Variants in NEB observed in about 807,000 individuals in gnomAD.
The protein encoded by NEB is nemaline myopathy type 2.
In NEB, 512 loss-of-function variants were observed where a neutral mutation model predicts 952.2. The observed-to-expected ratio is 0.54, with a 90% CI of 0.50 to 0.58. The LOEUF (loss-of-function observed/expected upper bound fraction) is 0.58, where lower values mean the gene tolerates loss of function less well. Ranked by LOEUF, NEB falls within the 20% of genes least tolerant of loss-of-function variation. The pLI, the probability that NEB is intolerant of heterozygous loss-of-function variation, is 0.00. For synonymous variants in NEB, 2,900 were observed against 3,149.8 expected (o/e 0.92, Z 2.66); for missense variants, 8,428 against 9,231.1 (o/e 0.91, Z 3.56).
intron 73 of NEB, among the ~76,000 whole-genome samples, chr2:151,619,073 C>A (rs1321163572): frequency 3.3e-5 from 5 of 152,160 alleles, no homozygotes; most frequent in Non-Finnish European, 7.3e-5. Flanking sequence ...AGTAATTTAG[C>A]ATAATATGCT....
chr2:151,486,808 AAT>A (rs1473003159), intron 181 of NEB: 3 of 152,238 alleles, frequency 2.0e-5, no homozygotes, highest in African/African-American at 7.2e-5. Flanking sequence ...GTAGCCAAAT[AAT>A]ATAGTGACAG....
In NEB at chr2:151,497,765, C is replaced by CATT. The variant is rs749393240; in HGVS notation, c.24208-50_24208-48dup. On this transcript the variant is annotated intron_variant, in intron 170 of 181. Coordinates refer to ENST00000397345, the MANE Select transcript of NEB (RefSeq NM_001164508.2). ...AGAAAAACAACCATGAGTAACATTT[C>CATT]ATTTCTTGGGACTTTTTAAGGATGA... 3.9e-6 allele frequency: 6 copies of CATT among 1,550,162 alleles called. No homozygotes were observed. The South Asian group carries it at 4.8e-5, about 12-fold the overall frequency.
Position 151,567,479 on chromosome 2 carries a change from G to C in NEB, c.17845C>G (p.Leu5949Val). 6.2e-7 allele frequency: 1 copy of C among 1,603,350 alleles called. No homozygotes were observed. The highest frequency in any genetic ancestry group is 8.5e-7 in the Non-Finnish European group (1 of 1,174,086). Residue 5949 changes from leucine (L) to valine (V), a missense_variant and splice_region_variant, in exon 114 of 182, where the codon CTG (leucine) becomes GTG (valine). By Grantham distance (32) the Leu-to-Val change is conservative (BLOSUM62 1). Transcript: ENST00000397345. ...AHHCNDVQSE[L>V]KYKAEHVKQK... The stretch of plus-strand genomic sequence containing the variant: ...TTCACATGTTCAGCTTTGTATTTCA[G>C]CTGGCGAGAAGAGGAATATAAATTC...
chr2:151,662,435 T>C (rs2099159225), intron 45 of NEB, 94 bp from the exon 46 acceptor site: 2 of 1,141,788 alleles, frequency 1.8e-6, no homozygotes, highest in African/African-American at 1.5e-5. Context: ...CCATTTCATT[T>C]GTAAATTTTC....
chr2:151,694,287 C>T (rs368600988), intron 20 of NEB, 36 bp downstream of exon 20: 21 of 1,553,446 alleles, frequency 1.4e-5, no homozygotes, highest in East Asian at 2.2e-5. Context: ...TTTGTGGCCA[C>T]GTCTGAAAAT....
In NEB at chr2:151,694,680, C is replaced by G. The variant is rs116047847; in HGVS notation, c.1675-51G>C. 15 of 1,444,804 alleles carry G rather than the reference C, an allele frequency of 1.0e-5. No homozygotes were observed. In the South Asian group the frequency reaches 1.8e-4, roughly 18 times the overall value. 89.5% of individuals were successfully genotyped at this position (1,444,804 alleles called of 1,614,324 possible). A position where few individuals can be genotyped will look rare whatever the true frequency, so the allele number is the denominator to read the frequency against. On this transcript the variant is annotated intron_variant, in intron 18 of 181. Transcript: ENST00000397345. ...ATTGGCAAAAGTGATATGCATGTCA[C>G]GACCTTTAAAGACTAGTGGGTAACT...
intron 35 of NEB, among the ~76,000 whole-genome samples, chr2:151,674,872 A>G (rs2099347053): frequency 6.6e-6 from 1 of 152,258 alleles, no homozygotes; most frequent in African/African-American, 2.4e-5. Flanking sequence ...GTGAGGACCA[A>G]CTAGAGACAA....
At chr2:151,615,839 T>G in intron 76 of NEB, 163 bp downstream of exon 76, 1 of 611,356 alleles carries the variant, frequency 1.6e-6, no homozygotes, top group Non-Finnish European at 2.9e-6. Flanking sequence ...GTCTAGAATT[T>G]TGTGCTTTTC....
At position 151,575,759 on chromosome 2, in the gene NEB, A is replaced by G. The variant is rs202009284; in HGVS notation, c.16949T>C (p.Ile5650Thr). The G allele has an allele frequency of 1.2e-6, 2 of 1,610,974 alleles. No individual in the cohort carries two copies. The highest frequency in any genetic ancestry group is 8.5e-7 in the Non-Finnish European group (1 of 1,177,092). The change falls in exon 107 of 182, where the codon ATA becomes ACA. Residue 5650 changes from isoleucine to threonine, a missense_variant. Physicochemically the swap from Ile to Thr is moderately conservative, Grantham distance 89 (BLOSUM62 -1). Coordinates refer to ENST00000397345, the MANE Select transcript of NEB (RefSeq NM_001164508.2). ...TTCTGGAGTATCTGGCATTATGTGT[A>G]TTGAAGTTTTATCCTTGTCCCAAAC... The part of the protein sequence containing the change: ...REVWDKDKTS[I>T]HIMPDTPEIN...
rs995314816 is a variant in NEB at position 151,529,241 on chromosome 2, G to A, written c.21704C>T (p.Ala7235Val). The change falls in exon 146 of 182, where the codon GCA becomes GTA. Residue 7235 changes from alanine to valine, a missense_variant. Coordinates refer to ENST00000397345, the MANE Select transcript of NEB (RefSeq NM_001164508.2). ...GTTGACTTTGTAGGCGTCCTTGGCT[G>A]CTTTGATATGAACAGCATCTGGCTC... Reference protein sequence around the residue: ...TIEPDAVHIKAAKDAYKVNTN... With the variant: ...TIEPDAVHIKVAKDAYKVNTN... 1.2e-6 allele frequency: 2 copies of A among 1,613,278 alleles called. No homozygotes were observed. Among genetic ancestry groups the A allele is most frequent in the Non-Finnish European group, 1.7e-6 (2 of 1,179,300 alleles).
intron 9 of NEB, among the ~76,000 whole-genome samples, chr2:151,718,445 G>T (rs1458785782): frequency 6.6e-6 from 1 of 152,102 alleles, no homozygotes; most frequent in East Asian, 1.9e-4. Flanking sequence ...ATGAGTCTCT[G>T]GTTAGTCCCT....
At chr2:151,722,391 A>T (rs888467108) in intron 9 of NEB, among the ~76,000 whole-genome samples, 1 of 152,160 alleles carries the variant, frequency 6.6e-6, no homozygotes, top group Non-Finnish European at 1.5e-5. Flanking sequence ...AGTTCCTCTA[A>T]CATACAGTTT....
At chr2:151,620,345 G>GCATATATA (rs2098375579) in intron 72 of NEB, among the ~76,000 whole-genome samples, 1 of 87,934 alleles carries the variant, frequency 1.1e-5, no homozygotes, top group Non-Finnish European at 2.2e-5. Flanking sequence ...ATGTATGTGT[G>GCATATATA]TGTATATATA....
At position 151,561,018 on chromosome 2, in the gene NEB, T is replaced by C; in HGVS notation, c.19192A>G (p.Asn6398Asp). ...VDYDRTRNLK[N>D]LYSSNLYKEA... ...ACTCAACTCACACTGCTGTAAAGAT[T>C]CTTCAGGTTTCTGGTTCTGTCATAA... is the stretch of plus-strand genomic sequence containing the variant. Residue 6398 changes from asparagine (N) to aspartate (D), a missense_variant, in exon 123 of 182, where the codon AAT becomes GAT. This residue lies in a region of NEB where 3,374 missense variants were observed against 3,651.5 expected (regional missense o/e 0.92). Coordinates refer to ENST00000397345, the MANE Select transcript of NEB (RefSeq NM_001164508.2). 1 of 1,604,268 alleles carries C rather than the reference T, an allele frequency of 6.2e-7. No individual in the cohort carries two copies. The highest frequency in any genetic ancestry group is 1.7e-5 in the Admixed American group (1 of 59,608).
intron 52 of NEB, among the ~76,000 whole-genome samples, chr2:151,651,788 A>G (rs2099032674): frequency 6.6e-6 from 1 of 152,218 alleles, no homozygotes; most frequent in African/African-American, 2.4e-5. Flanking sequence ...ATTATTACAT[A>G]TATAAAATAT....
At position 151,680,744 on chromosome 2, in the gene NEB, C is replaced by T. The variant is rs770003609; in HGVS notation, c.3028G>A (p.Ala1010Thr). ...PITVQSKINQ[A>T]QRSDIAYKAK... ...TTAACACTTACATCACTCCTCTGGG[C>T]CTGGTTAATTTTAGACTGTACTGTA... The change falls in exon 30 of 182, where the codon GCC becomes ACC. Residue 1010 changes from alanine (A) to threonine (T), a missense_variant. By Grantham distance (58) the Ala-to-Thr change is moderately conservative. Around this residue, in one of 11 missense-constraint regions of NEB, gnomAD observed 2,851 missense variants for 2,791.5 expected, o/e 1.02. Transcript: ENST00000397345. 14 of 1,604,472 alleles carry T rather than the reference C, an allele frequency of 8.7e-6. No individual in the cohort carries two copies. Among genetic ancestry groups the T allele is most frequent in the East Asian group, 4.5e-5 (2 of 44,784 alleles).
rs548487053 is a variant in NEB at position 151,490,762 on chromosome 2, A to T, written c.25151-244T>A. Reference sequence around the variant, plus strand: ...AGTTGTACAGCCAGGTTTCAAATCCAAGAGTCTATTTGTAACATCTCCCCT... The same window carrying T: ...AGTTGTACAGCCAGGTTTCAAATCCTAGAGTCTATTTGTAACATCTCCCCT... On this transcript the variant is annotated intron_variant, in intron 179 of 181. Coordinates refer to ENST00000397345, the MANE Select transcript of NEB (RefSeq NM_001164508.2). 2.5e-4 allele frequency among the ~76,000 whole-genome samples: 38 copies of T among 152,318 alleles called. No homozygotes were observed. In the Middle Eastern group the frequency reaches 0.01, roughly 41 times the overall value.
At position 151,659,119 on chromosome 2, in the gene NEB, C is replaced by T; in HGVS notation, c.6021G>A (p.Met2007Ile). ...CCAAAATAATCTGGGGGATATCAGG[C>T]ATGATGTGGACTTTGGTTTTGTCAG... ...WEADKTKVHI[M>I]PDIPQIILAK... Residue 2007 changes from methionine to isoleucine, a missense_variant, in exon 47 of 182, where the codon ATG (methionine) becomes ATA (isoleucine). Around this residue, in one of 11 missense-constraint regions of NEB, gnomAD observed 2,851 missense variants for 2,791.5 expected, o/e 1.02. Coordinates refer to ENST00000397345, the MANE Select transcript of NEB (RefSeq NM_001164508.2). The T allele has an allele frequency of 6.2e-7, 1 of 1,613,088 alleles. No homozygotes were observed. Among genetic ancestry groups the T allele is most frequent in the Non-Finnish European group, 8.5e-7 (1 of 1,179,256 alleles).
At chr2:151,531,730 C>T in intron 144 of NEB, 62 bp downstream of exon 144, 2 of 1,250,024 alleles carry the variant, frequency 1.6e-6, no homozygotes, top group Middle Eastern at 1.8e-4. Flanking sequence ...ATTTAAAATG[C>T]CCCTCCATGT....
Sources: gnomAD v4.1 joint callset for allele counts (sites outside exome capture counted in the v4.1 genomes callset) on GRCh38, gnomAD v4.1.1 for gene constraint, gnomAD v4.1.1 regional missense constraint, MANE v1.5 for transcripts, NCBI Gene and HGNC (gene_info 2026-07-23, HGNC 2026-07-21) for gene names.